Variants in IRAG2 observed in about 807,000 individuals in gnomAD.
The protein encoded by IRAG2 is lymphoid restricted membrane protein.
A neutral mutation model predicts 69.9 loss-of-function variants in IRAG2; 45 were observed. That is an observed-to-expected ratio of 0.64 (90% CI 0.51 to 0.83). The LOEUF is 0.83. Ranked by LOEUF, IRAG2 falls within the 40% of genes least tolerant of loss-of-function variation. The probability of loss-of-function intolerance (pLI) is 0.00; values close to 1 mark genes in which losing one functional copy is unlikely to be tolerated. For missense variants in IRAG2, 520 were observed against 587.0 expected, an observed-to-expected ratio of 0.89 and a Z score of 1.18; for synonymous variants, 193 against 202.4, an observed-to-expected ratio of 0.95 and a Z score of 0.40.
At chr12:25,023,666 G>C (rs1565528544) in intron 7 of IRAG2, among the ~76,000 whole-genome samples, 1 of 152,136 alleles carries the variant, frequency 6.6e-6, no homozygotes, top group African/African-American at 2.4e-5. Context: ...ATTGAGTCCA[G>C]GAGGAGAATG....
intron 16 of IRAG2, among the ~76,000 whole-genome samples, chr12:25,045,180 A>C (rs1944783058): frequency 6.6e-6 from 1 of 152,166 alleles, no homozygotes; most frequent in South Asian, 2.1e-4. Flanking sequence ...TGAAGAAATA[A>C]AGAAAATTAG....
At position 25,028,234 on chromosome 12, in the gene IRAG2, C is replaced by T. The variant is rs116622551; in HGVS notation, c.1461+1368C>T. 9.1e-3 allele frequency among the ~76,000 whole-genome samples: 1,383 copies of T among 152,178 alleles called. 20 individuals are homozygous for T. Among genetic ancestry groups the T allele is most frequent in the African/African-American group, 0.032 (1,335 of 41,520 alleles). On this transcript the variant is annotated intron_variant, in intron 9 of 38. Coordinates refer to the IRAG2 transcript ENST00000636465. ...ACCACCACGCCTGGCCTTGTTTCTA[C>T]GTTTAACCTTTTAAGGAACTGCCAG...
chr12:25,102,420 T>G (rs1948810089), intron 17 of IRAG2, 179 bp downstream of exon 17: 3 of 587,488 alleles, frequency 5.1e-6, no homozygotes. Context: ...ATCAATTAAG[T>G]GTGCCTGGCA....
chr12:25,039,939 C>A lies in IRAG2; in HGVS notation c.2144+1802C>A, dbSNP rs183752454. Among the ~76,000 whole-genome samples the A allele has an allele frequency of 1.1e-3, 174 of 152,256 alleles. 1 individual carries two copies. The highest frequency in any genetic ancestry group is 4.1e-3 in the African/African-American group (170 of 41,546). On this transcript the variant is annotated intron_variant, in intron 16 of 38. Coordinates refer to the IRAG2 transcript ENST00000636465. ...ATATCCAGAGAGGTTGCATAATTTG[C>A]CCAAGGTTACCCAGCTGGGATTAAG...
At chr12:25,036,723 C>T in intron 15 of IRAG2, 1 of 398,320 alleles carries the variant, frequency 2.5e-6, no homozygotes, top group Non-Finnish European at 4.4e-6. Flanking sequence ...CCTGGTTTTT[C>T]TTCTACTTTG....
chr12:25,067,113 C>T (rs1946033849), intron 5 of IRAG2, among the ~76,000 whole-genome samples: 1 of 152,112 alleles, frequency 6.6e-6, no homozygotes, highest in South Asian at 2.1e-4. Context: ...GCTAAGTTAA[C>T]ATAGGTAGAT....
At chr12:25,049,710 G>A (rs1944824966), upstream of IRAG2, among the ~76,000 whole-genome samples, 2 of 152,168 alleles carry the variant, frequency 1.3e-5, no homozygotes, top group Non-Finnish European at 2.9e-5. Context: ...AAGACGGCCG[G>A]ATGCGGTGGC....
intron 16 of IRAG2, chr12:25,101,945 A>T (rs1303972911): frequency 1.5e-6 from 1 of 657,434 alleles, no homozygotes; most frequent in Non-Finnish European, 2.8e-6. Context: ...CAGCAGACAC[A>T]CATGTAGTGC....
At position 25,108,125 on chromosome 12, in the gene IRAG2, G is replaced by GTAAC. The variant is rs1378577151; in HGVS notation, c.*67_*70dup. 6.4e-7 allele frequency: 1 copy of GTAAC among 1,552,512 alleles called. No individual in the cohort carries two copies. The highest frequency in any genetic ancestry group is 1.8e-4 in the Middle Eastern group (1 of 5,574). On this transcript the variant is annotated 3_prime_UTR_variant, in exon 22 of 22. Coordinates refer to ENST00000556887, the MANE Select transcript of IRAG2 (RefSeq NM_001366544.2). ...TTCAGTATCTGAACTTCGTAAATTAGTAACTTTTAGCTGGGAAAGTATAGC... is the reference window on the plus strand; with the variant it reads ...TTCAGTATCTGAACTTCGTAAATTAGTAACTAACTTTTAGCTGGGAAAGTATAGC...
rs1392146630 is a variant in IRAG2 at position 25,013,872 on chromosome 12, T to C, written c.897-1310T>C. Among the ~76,000 whole-genome samples, 48 of 120,306 alleles carry C rather than the reference T, an allele frequency of 4.0e-4. No individual in the cohort carries two copies. The East Asian group carries it at 7.2e-3, about 18-fold the overall frequency. 78.9% of individuals were successfully genotyped at this position (120,306 alleles called of 152,430 possible). ...AATTTTTTGTTTTCTTTTTCTTTTT[T>C]TTTTTTTTTTTTTTTTTTTTGAGAC... On this transcript the variant is annotated intron_variant, in intron 3 of 38. Coordinates refer to the IRAG2 transcript ENST00000636465.
upstream of IRAG2, chr12:25,052,278 G>A (rs2139880255): frequency 2.6e-6 from 1 of 390,784 alleles, no homozygotes; most frequent in South Asian, 1.3e-4. Flanking sequence ...GGAAGATGCT[G>A]TCAACCAGGA....
the IRAG2 span, chr12:24,997,623 GT>G: frequency 6.5e-6 from 1 of 153,190 alleles, no homozygotes; most frequent in Non-Finnish European, 1.5e-5. Flanking sequence ...AAGGTGGTGA[GT>G]TTTCCCCAAC....
At position 25,108,004 on chromosome 12, in the gene IRAG2, G is replaced by C. The variant is rs373269969; in HGVS notation, c.1444G>C (p.Glu482Gln). The change falls in exon 22 of 22, where the codon GAA (glutamate) becomes CAA (glutamine). Residue 482 changes from glutamate (E) to glutamine (Q), a missense_variant. Coordinates refer to ENST00000556887, the MANE Select transcript of IRAG2 (RefSeq NM_001366544.2). ...TQQEDSWTSL[E>Q]HILWPFTRLR... ...GCAAGAGGACTCATGGACGTCTCTA[G>C]AACATATCTTGTGGCCATTTACCAG... The C allele has an allele frequency of 1.5e-5, 24 of 1,614,132 alleles. No homozygotes were observed. The highest frequency in any genetic ancestry group is 2.0e-5 in the Non-Finnish European group (24 of 1,180,024).
rs187382509 is a variant in IRAG2 at position 25,067,169 on chromosome 12, T to C, written c.-59+657T>C. On this transcript the variant is annotated intron_variant, in intron 5 of 21. Coordinates refer to ENST00000556887, the MANE Select transcript of IRAG2 (RefSeq NM_001366544.2). ...TTTCACATTCAAAGTTAACACATCTTTGGGAACCTGTCCTTGTCCCTGCAC... is the reference window on the plus strand; with the variant it reads ...TTTCACATTCAAAGTTAACACATCTCTGGGAACCTGTCCTTGTCCCTGCAC... 3.6e-4 allele frequency among the ~76,000 whole-genome samples: 55 copies of C among 152,278 alleles called. 2 individuals carry two copies. Among genetic ancestry groups the C allele is most frequent in the African/African-American group, 1.2e-3 (51 of 41,544 alleles).
chr12:25,000,809 T>G (rs1192705495), upstream of IRAG2, among the ~76,000 whole-genome samples: 2 of 152,232 alleles, frequency 1.3e-5, no homozygotes, highest in African/African-American at 4.8e-5. Flanking sequence ...AAGCAACTGA[T>G]TCTCCTAGTA....
At chr12:25,089,827 G>A (rs773427016) in intron 13 of IRAG2, 37 bp downstream of exon 13, 1 of 1,604,482 alleles carries the variant, frequency 6.2e-7, no homozygotes, top group South Asian at 1.1e-5. Context: ...TTTTAAAAAA[G>A]TGTTCCAGAC....
intron 6 of IRAG2, chr12:25,017,378 C>A: frequency 9.1e-7 from 1 of 1,100,244 alleles, no homozygotes. Flanking sequence ...GAGAGTCACA[C>A]AGCATAAAAT....
chr12:25,060,016 A>G (rs1945518091), intron 1 of IRAG2, among the ~76,000 whole-genome samples: 1 of 152,214 alleles, frequency 6.6e-6, no homozygotes, highest in African/African-American at 2.4e-5. Flanking sequence ...ATCTGCTGTT[A>G]ATAATTTTCC....
chr12:25,064,110 G>T (rs907392329), intron 4 of IRAG2, among the ~76,000 whole-genome samples: 1 of 152,014 alleles, frequency 6.6e-6, no homozygotes, highest in East Asian at 1.9e-4. Context: ...AGACCAGCCC[G>T]GGCAACATCT....
Sources: gnomAD v4.1 joint callset for allele counts (sites outside exome capture counted in the v4.1 genomes callset) on GRCh38, gnomAD v4.1.1 for gene constraint, MANE v1.5 for transcripts, NCBI Gene and HGNC (gene_info 2026-07-23, HGNC 2026-07-21) for gene names.